SCN11A: variants seen among roughly 807,000 people sequenced by gnomAD.
SCN11A encodes the protein sodium voltage-gated channel alpha subunit 11.
SCN11A carries 122 observed loss-of-function variants against 162.2 expected under a neutral mutation model. The ratio of observed to expected loss-of-function variants is 0.75; its 90% CI spans 0.65 to 0.87. The LOEUF is 0.87. Ranked by LOEUF, SCN11A falls within the 40% of genes least tolerant of loss-of-function variation. The pLI is 0.00. For missense variants in SCN11A, 2,015 were observed against 2,181.6 expected, an observed-to-expected ratio of 0.92 and a Z score of 1.52; for synonymous variants, 758 against 751.5, an observed-to-expected ratio of 1.01 and a Z score of -0.14.
At chr3:38,892,108 C>T (rs1041290235) in intron 19 of SCN11A, among the ~76,000 whole-genome samples, 4 of 151,780 alleles carry the variant, frequency 2.6e-5, no homozygotes, top group African/African-American at 7.3e-5. Context: ...ATAATGGAGA[C>T]CAAAAGGCAG....
chr3:38,951,208 T>G (rs2066608798), intron 4 of SCN11A, among the ~76,000 whole-genome samples: 1 of 152,180 alleles, frequency 6.6e-6, no homozygotes. Flanking sequence ...CAGCTGGAGT[T>G]CCGGGTGGGC....
chr3:38,868,749 G>A (rs1043210070), intron 26 of SCN11A, among the ~76,000 whole-genome samples: 1 of 152,192 alleles, frequency 6.6e-6, no homozygotes, highest in Non-Finnish European at 1.5e-5. Flanking sequence ...AAGGCAAAGA[G>A]GGTATTCTTG....
chr3:39,041,700 G>C (rs1374453261), intron 1 of SCN11A, among the ~76,000 whole-genome samples: 1 of 152,110 alleles, frequency 6.6e-6, no homozygotes, highest in Non-Finnish European at 1.5e-5. Flanking sequence ...AAATACTTAA[G>C]GGAGTCCTAC....
intron 2 of SCN11A, among the ~76,000 whole-genome samples, chr3:38,989,904 C>T (rs569422866): frequency 9.9e-5 from 15 of 151,774 alleles, no homozygotes; most frequent in South Asian, 2.1e-4. Flanking sequence ...TACAGGGTGA[C>T]TCTGTCGAAA....
intron 28 of SCN11A, among the ~76,000 whole-genome samples, chr3:38,860,892 G>A (rs762427835): frequency 1.3e-5 from 2 of 152,238 alleles, no homozygotes; most frequent in South Asian, 2.1e-4. Context: ...CCTAGCCAGA[G>A]CAATCAGATA....
intron 2 of SCN11A, among the ~76,000 whole-genome samples, chr3:38,995,413 C>A (rs994983510): frequency 1.3e-5 from 2 of 152,154 alleles, no homozygotes; most frequent in African/African-American, 4.8e-5. Flanking sequence ...AGCCATGGCA[C>A]CCGGCCAATT....
At chr3:38,963,357 A>ATG (rs1365668680) in intron 2 of SCN11A, among the ~76,000 whole-genome samples, 2 of 68,112 alleles carry the variant, frequency 2.9e-5, no homozygotes, top group African/African-American at 2.2e-4. Context: ...TGATGGATAT[A>ATG]TATATATATA....
In SCN11A at chr3:38,846,870, C is replaced by CCT. The variant is rs772375515; in HGVS notation, c.5198_5199dup (p.Glu1734ArgfsTer16). The CCT allele has an allele frequency of 1.2e-6, 2 of 1,614,016 alleles. No individual in the cohort carries two copies. The highest frequency in any genetic ancestry group is 2.7e-5 in the African/African-American group (2 of 74,914). On this transcript the variant is annotated frameshift_variant, in exon 30 of 30. Transcript: ENST00000302328. LOFTEE classifies it low-confidence loss of function (END_TRUNC). ...TTTTGAATAATAGCAGCACCTCTTT[C>CCT]CTCTTCCTTTCTCTTGGTGGTGGTG...
chr3:38,923,086 C>T (rs1010967174), intron 9 of SCN11A, among the ~76,000 whole-genome samples: 4 of 152,164 alleles, frequency 2.6e-5, no homozygotes. Flanking sequence ...CATATTCACA[C>T]CCAACCTTGG....
At chr3:38,893,170 A>G (rs564864565) in intron 19 of SCN11A, among the ~76,000 whole-genome samples, 39 of 152,160 alleles carry the variant, frequency 2.6e-4, no homozygotes, top group Non-Finnish European at 4.7e-4. Flanking sequence ...GGATGGAAAA[A>G]GACATGTTAT....
intron 2 of SCN11A, among the ~76,000 whole-genome samples, chr3:38,978,608 T>C (rs1342160489): frequency 1.3e-5 from 2 of 151,992 alleles, no homozygotes; most frequent in Non-Finnish European, 2.9e-5. Context: ...ATCACGCCAC[T>C]GCACTCCAGT....
chr3:39,015,806 G>T (rs1490478199), intron 2 of SCN11A, among the ~76,000 whole-genome samples: 1 of 152,046 alleles, frequency 6.6e-6, no homozygotes, highest in Non-Finnish European at 1.5e-5. Flanking sequence ...GCGTGGTCTC[G>T]GGTCACTGCA....
At chr3:38,958,605 C>G (rs1023970474) in intron 3 of SCN11A, among the ~76,000 whole-genome samples, 2 of 152,186 alleles carry the variant, frequency 1.3e-5, no homozygotes, top group Non-Finnish European at 2.9e-5. Context: ...ACCCACAAGC[C>G]ATAGCCATCT....
chr3:38,974,694 CAAAAAAAAA>C (rs773028321), intron 2 of SCN11A, among the ~76,000 whole-genome samples: 1 of 48,150 alleles, frequency 2.1e-5, no homozygotes, highest in Non-Finnish European at 4.7e-5. Context: ...GACTCCGTCT[CAAAAAAAAA>C]AAAAAAAAAA....
At position 38,894,608 on chromosome 3, in the gene SCN11A, C is replaced by T. The variant is rs764717266; in HGVS notation, c.2760G>A (p.Ala920=). The change falls in exon 19 of 30, where the codon GCG becomes GCA. Residue 920 remains alanine (A), a synonymous_variant. Coordinates refer to ENST00000302328, the MANE Select transcript of SCN11A (RefSeq NM_001349253.2). The part of the protein sequence containing the change: ...RHDWTWLAPL[A]EEEDDVEFSG... Reference sequence around the variant, plus strand: ...AAAATTCAACGTCATCTTCCTCCTCCGCAAGTGGTGCCAACCAAGTCCAAT... The same window carrying T: ...AAAATTCAACGTCATCTTCCTCCTCTGCAAGTGGTGCCAACCAAGTCCAAT... 2.1e-5 allele frequency: 34 copies of T among 1,614,002 alleles called. No individual in the cohort carries two copies. The highest frequency in any genetic ancestry group is 8.3e-5 in the Admixed American group (5 of 60,000).
At chr3:39,013,347 C>T (rs1436451273) in intron 2 of SCN11A, among the ~76,000 whole-genome samples, 1 of 152,140 alleles carries the variant, frequency 6.6e-6, no homozygotes, top group Non-Finnish European at 1.5e-5. Flanking sequence ...TTTGTATATG[C>T]CATAGTTGGA....
At chr3:38,930,729 A>T (rs1403641087) in intron 7 of SCN11A, among the ~76,000 whole-genome samples, 2 of 152,128 alleles carry the variant, frequency 1.3e-5, no homozygotes, top group Non-Finnish European at 2.9e-5. Context: ...GTGGAGTAAA[A>T]CCATGCCCAC....
intron 2 of SCN11A, among the ~76,000 whole-genome samples, chr3:38,962,879 T>C (rs1441989817): frequency 6.6e-6 from 1 of 151,194 alleles, no homozygotes; most frequent in East Asian, 1.9e-4. Context: ...ATAATAATAA[T>C]AATAGTGGGC....
intron 2 of SCN11A, among the ~76,000 whole-genome samples, chr3:39,003,873 GT>G (rs34577825): frequency 0.097 from 14,661 of 150,966 alleles, 828 homozygotes; most frequent in Admixed American, 0.14. Flanking sequence ...TTTTTAATGG[GT>G]TTTTTTTTCT....
Sources: gnomAD v4.1 joint callset for allele counts (sites outside exome capture counted in the v4.1 genomes callset) on GRCh38, gnomAD v4.1.1 for gene constraint, MANE v1.5 for transcripts, NCBI Gene and HGNC (gene_info 2026-07-23, HGNC 2026-07-21) for gene names.